Variants in BAIAP2 observed in about 807,000 individuals in gnomAD.
BAIAP2 encodes BAR/IMD domain containing adaptor protein 2.
BAIAP2 carries 18 observed loss-of-function variants against 63.0 expected under a neutral mutation model. The ratio of observed to expected loss-of-function variants is 0.29; its 90% CI spans 0.20 to 0.42. The LOEUF is 0.42. Ranked by LOEUF, BAIAP2 falls within the 10% of genes least tolerant of loss-of-function variation. The probability of loss-of-function intolerance (pLI) is 1.00; values close to 1 mark genes in which losing one functional copy is unlikely to be tolerated. For synonymous variants in BAIAP2, 386 were observed against 307.6 expected (o/e 1.25, Z -2.67); for missense variants, 610 against 734.3 (o/e 0.83, Z 1.96).
At position 81,050,012 on chromosome 17, in the gene BAIAP2, C is replaced by T. The variant is rs1420590752; in HGVS notation, c.55-3656C>T. ...CCAGACGCCTGACTGGAGATGGTCT[C>T]CCAGCAGAGGGGCTGGGCTCTTCAG... On this transcript the variant is annotated intron_variant, in intron 1 of 13. Coordinates refer to ENST00000428708, the MANE Select transcript of BAIAP2 (RefSeq NM_001144888.2). 2.0e-5 allele frequency among the ~76,000 whole-genome samples: 3 copies of T among 152,218 alleles called. No individual in the cohort carries two copies. In the East Asian group the frequency reaches 5.8e-4, roughly 29 times the overall value.
Position 81,035,285 on chromosome 17 carries a change from C to A in BAIAP2, c.31C>A (p.Arg11=), listed in dbSNP as rs578230889. The A allele has an allele frequency of 5.3e-6, 8 of 1,514,104 alleles. No individual in the cohort carries two copies. The African/African-American group carries it at 8.7e-5, about 16-fold the overall frequency. 93.8% of individuals were successfully genotyped at this position (1,514,104 alleles called of 1,614,324 possible). Residue 11 remains arginine (R), a synonymous_variant, in exon 1 of 14, where the codon CGG becomes AGG. Transcript: ENST00000428708. MSLSRSEEMH[R]LTENVYKTIM... ...TCTGTCTCGCTCAGAGGAGATGCAC[C>A]GGCTCACGGAAAATGTCTATAAGGT...
chr17:81,081,669 G>T (rs1306524927), intron 3 of BAIAP2, among the ~76,000 whole-genome samples: 1 of 152,158 alleles, frequency 6.6e-6, no homozygotes, highest in Non-Finnish European at 1.5e-5. Flanking sequence ...GTGAGCCTGG[G>T]GTAGGGCCCA....
chr17:81,042,142 CTTTTT>C (rs36029761), intron 1 of BAIAP2, among the ~76,000 whole-genome samples: 4 of 109,770 alleles, frequency 3.6e-5, no homozygotes, highest in Admixed American at 9.8e-5. Flanking sequence ...TTTCTTTTTT[CTTTTT>C]TTTTTTTTTT....
At position 81,057,973 on chromosome 17, in the gene BAIAP2, A is replaced by ACCCCCCCCCCCCCCCCCCCC. The variant is rs60972273; in HGVS notation, c.217+22_217+23insCCCCCCCCCCCCCCCCCCCC. Reference sequence around the variant, plus strand: ...CCAGGGCTCCAAAGAACTCGGTGAGACCCCCCCCCCCCCCCCGCCTGGTAG... The same window carrying ACCCCCCCCCCCCCCCCCCCC: ...CCAGGGCTCCAAAGAACTCGGTGAGACCCCCCCCCCCCCCCCCCCCCCCCCCCCCCCCCCCCGCCTGGTAG... On this transcript the variant is annotated splice_region_variant and intron_variant, in intron 3 of 13. Coordinates refer to ENST00000428708, the MANE Select transcript of BAIAP2 (RefSeq NM_001144888.2). The ACCCCCCCCCCCCCCCCCCCC allele has an allele frequency of 2.0e-5, 15 of 765,814 alleles. 4 individuals are homozygous for ACCCCCCCCCCCCCCCCCCCC. The highest frequency in any genetic ancestry group is 1.2e-4 in the South Asian group (5 of 41,264). 47.4% of individuals were successfully genotyped at this position (765,814 alleles called of 1,614,324 possible). A position where few individuals can be genotyped will look rare whatever the true frequency, so the allele number is the denominator to read the frequency against.
intron 1 of BAIAP2, among the ~76,000 whole-genome samples, chr17:81,039,445 C>T (rs1174425353): frequency 6.6e-6 from 1 of 152,194 alleles, no homozygotes; most frequent in Admixed American, 6.5e-5. Flanking sequence ...CCGTGTCTAC[C>T]GATGGATGTG....
chr17:81,115,489 T>C (rs1032247404), intron 13 of BAIAP2, among the ~76,000 whole-genome samples: 19 of 149,736 alleles, frequency 1.3e-4, no homozygotes, highest in South Asian at 2.1e-4. Flanking sequence ...CACCCCGCCC[T>C]GCCCTGCCCA....
intron 6 of BAIAP2, among the ~76,000 whole-genome samples, chr17:81,097,956 C>T (rs913321361): frequency 2.0e-5 from 3 of 152,224 alleles, no homozygotes; most frequent in South Asian, 2.1e-4. Flanking sequence ...GGGTCCCAGT[C>T]GAGCCCTCCC....
At chr17:81,058,995 G>A (rs554396911) in intron 3 of BAIAP2, among the ~76,000 whole-genome samples, 4 of 152,288 alleles carry the variant, frequency 2.6e-5, no homozygotes, top group African/African-American at 9.6e-5. Flanking sequence ...TGAGGCTCTG[G>A]GGCTGGGACC....
At chr17:81,100,428 G>T (rs575320564) in intron 7 of BAIAP2, among the ~76,000 whole-genome samples, 1 of 152,302 alleles carries the variant, frequency 6.6e-6, no homozygotes, top group Non-Finnish European at 1.5e-5. Context: ...CATGCTCCGT[G>T]CTGGGTGCCG....
intron 3 of BAIAP2, among the ~76,000 whole-genome samples, chr17:81,060,039 G>A (rs902439437): frequency 6.6e-6 from 1 of 152,210 alleles, no homozygotes; most frequent in African/African-American, 2.4e-5. Flanking sequence ...GGATCAGGGA[G>A]CGTCTGTTTA....
chr17:81,049,239 G>T (rs2048300894), intron 1 of BAIAP2, among the ~76,000 whole-genome samples: 1 of 152,154 alleles, frequency 6.6e-6, no homozygotes, highest in African/African-American at 2.4e-5. Context: ...GGGGCATGGG[G>T]TCACAGAACG....
intron 11 of BAIAP2, 143 bp from the exon 12 acceptor site, chr17:81,106,602 C>T (rs1472158811): frequency 5.2e-6 from 5 of 957,038 alleles, no homozygotes; most frequent in Non-Finnish European, 4.7e-6. Flanking sequence ...CCATGGTCCC[C>T]AGGGCTGCCG....
chr17:81,080,638 C>T (rs547109054), intron 3 of BAIAP2, among the ~76,000 whole-genome samples: 5 of 152,218 alleles, frequency 3.3e-5, no homozygotes, highest in Non-Finnish European at 7.3e-5. Flanking sequence ...TCCAGATGTT[C>T]CTCTTGACTC....
chr17:81,106,934 G>C, intron 12 of BAIAP2, 27 bp downstream of exon 12: 3 of 1,477,876 alleles, frequency 2.0e-6, no homozygotes, highest in Non-Finnish European at 2.7e-6. Context: ...GGGGCTGGGA[G>C]GGGCCCGCAG....
At chr17:81,084,930 CA>C (rs769441194) in intron 4 of BAIAP2, 37 bp downstream of exon 4, 18 of 1,606,224 alleles carry the variant, frequency 1.1e-5, no homozygotes, top group Non-Finnish European at 1.5e-5. Context: ...CGAGGAGGGG[CA>C]GGTGCGACGG....
rs543936356 is a variant in BAIAP2 at position 81,094,401 on chromosome 17, G to A, written c.490-5527G>A. ...CTTGCCAATCTGCTGAAAGCTCTGGGCCTTTTTCCCAGGAAAATGGGGACC... is the reference window on the plus strand; with the variant it reads ...CTTGCCAATCTGCTGAAAGCTCTGGACCTTTTTCCCAGGAAAATGGGGACC... On this transcript the variant is annotated intron_variant, in intron 6 of 13. Coordinates refer to ENST00000428708, the MANE Select transcript of BAIAP2 (RefSeq NM_001144888.2). Among the ~76,000 whole-genome samples the A allele has an allele frequency of 5.8e-4, 89 of 152,294 alleles. 1 individual carries two copies. The South Asian group carries it at 0.017, about 29-fold the overall frequency.
chr17:81,103,136 C>T (rs946884683), intron 7 of BAIAP2, among the ~76,000 whole-genome samples: 16 of 152,222 alleles, frequency 1.1e-4, no homozygotes, highest in African/African-American at 2.9e-4. Context: ...CCCCCTCCCC[C>T]GGCCATCTGG....
intron 13 of BAIAP2, among the ~76,000 whole-genome samples, chr17:81,111,432 T>C (rs1046790598): frequency 5.9e-5 from 9 of 152,212 alleles, no homozygotes; most frequent in South Asian, 2.1e-4. Context: ...GGGAGCTCCA[T>C]AGGCACTGGA....
chr17:81,050,313 G>A (rs1048426157), intron 1 of BAIAP2, among the ~76,000 whole-genome samples: 1 of 152,206 alleles, frequency 6.6e-6, no homozygotes, highest in Non-Finnish European at 1.5e-5. Flanking sequence ...CCCCTCTCTT[G>A]CAGATGGAGG....
Sources: gnomAD v4.1 joint callset for allele counts (sites outside exome capture counted in the v4.1 genomes callset) on GRCh38, gnomAD v4.1.1 for gene constraint, MANE v1.5 for transcripts, NCBI Gene and HGNC (gene_info 2026-07-23, HGNC 2026-07-21) for gene names.